Variants in LMX1A observed in about 807,000 individuals in gnomAD.
LMX1A encodes LIM homeobox transcription factor 1-alpha.
In LMX1A, 15 loss-of-function variants were observed where a neutral mutation model predicts 49.1. That is an observed-to-expected ratio of 0.31 (90% CI 0.20 to 0.47). LMX1A has a LOEUF of 0.47. Among genes scored for constraint, LMX1A ranks in the 20% least tolerant of loss-of-function variants. The pLI is 1.00. For synonymous variants in LMX1A, 167 were observed against 185.7 expected (o/e 0.90, Z 0.82); for missense variants, 372 against 475.8 (o/e 0.78, Z 2.03).
intron 3 of LMX1A, among the ~76,000 whole-genome samples, chr1:165,272,972 G>A (rs549882257): frequency 3.9e-5 from 6 of 152,196 alleles, no homozygotes; most frequent in Non-Finnish European, 8.8e-5. Context: ...TGAAAGGGAA[G>A]TAGGAGGCTG....
chr1:165,209,737 A>T (rs933950115), intron 6 of LMX1A, among the ~76,000 whole-genome samples: 1 of 152,218 alleles, frequency 6.6e-6, no homozygotes, highest in Non-Finnish European at 1.5e-5. Flanking sequence ...TAAAGCAGTA[A>T]ATATAAGTAA....
chr1:165,256,998 G>T (rs1254967410), intron 3 of LMX1A, among the ~76,000 whole-genome samples: 1 of 151,876 alleles, frequency 6.6e-6, no homozygotes, highest in African/African-American at 2.4e-5. Flanking sequence ...GAACATCAGT[G>T]TCTTCATTGT....
intron 3 of LMX1A, among the ~76,000 whole-genome samples, chr1:165,251,005 A>T (rs187920035): frequency 6.7e-6 from 1 of 149,300 alleles, no homozygotes; most frequent in Non-Finnish European, 1.5e-5. Flanking sequence ...GAAAGGTGAC[A>T]GGTGAGGTTA....
intron 3 of LMX1A, among the ~76,000 whole-genome samples, chr1:165,272,563 A>G (rs1467476556): frequency 6.6e-6 from 1 of 152,202 alleles, no homozygotes; most frequent in East Asian, 1.9e-4. Flanking sequence ...TCAACACAGA[A>G]CAATGACCAT....
chr1:165,333,349 G>T (rs999678559), intron 3 of LMX1A, among the ~76,000 whole-genome samples: 1 of 152,144 alleles, frequency 6.6e-6, no homozygotes, highest in African/African-American at 2.4e-5. Flanking sequence ...AGTAGAGACA[G>T]GGTTTCACCG....
At chr1:165,354,684 G>C (rs930889549) in intron 2 of LMX1A, among the ~76,000 whole-genome samples, 2 of 152,092 alleles carry the variant, frequency 1.3e-5, no homozygotes, top group African/African-American at 4.8e-5. Flanking sequence ...GAGTGAAAGA[G>C]GCAAGAGGTT....
At chr1:165,222,226 C>T (rs900540018) in intron 4 of LMX1A, among the ~76,000 whole-genome samples, 1 of 152,170 alleles carries the variant, frequency 6.6e-6, no homozygotes, top group Non-Finnish European at 1.5e-5. Flanking sequence ...ATTTGGCCAG[C>T]CTCCAAGAAG....
At chr1:165,322,894 C>T (rs770725275) in intron 3 of LMX1A, among the ~76,000 whole-genome samples, 1 of 152,190 alleles carries the variant, frequency 6.6e-6, no homozygotes, top group Admixed American at 6.5e-5. Flanking sequence ...TTATTCCTAT[C>T]CCTTTCTTTT....
At chr1:165,309,112 C>T (rs1209769809) in intron 3 of LMX1A, among the ~76,000 whole-genome samples, 1 of 152,110 alleles carries the variant, frequency 6.6e-6, no homozygotes, top group Non-Finnish European at 1.5e-5. Flanking sequence ...CCCTCCCCGC[C>T]CTGCCACCAT....
At chr1:165,248,738 G>A (rs1388748041) in intron 4 of LMX1A, among the ~76,000 whole-genome samples, 1 of 152,170 alleles carries the variant, frequency 6.6e-6, no homozygotes, top group African/African-American at 2.4e-5. Flanking sequence ...GCTTAGGGCA[G>A]TTCAGTGATT....
At chr1:165,312,723 C>A (rs943514756) in intron 3 of LMX1A, among the ~76,000 whole-genome samples, 1 of 152,214 alleles carries the variant, frequency 6.6e-6, no homozygotes, top group African/African-American at 2.4e-5. Flanking sequence ...TGTGAGCCAT[C>A]CTGGAAACAG....
In LMX1A at chr1:165,285,102, TG is replaced by T. The variant is rs1336904170; in HGVS notation, c.264-35463del. ...AAAAAGATTACATGTTTAGTTTCCC[TG>T]GTTTTAAATATTAATCTGCAAAAGG... On this transcript the variant is annotated intron_variant, in intron 3 of 8. Coordinates refer to ENST00000342310, the MANE Select transcript of LMX1A (RefSeq NM_177398.4). Among the ~76,000 whole-genome samples the T allele has an allele frequency of 4.3e-4, 66 of 152,340 alleles. 1 individual carries two copies. The highest frequency in any genetic ancestry group is 5.9e-5 in the Non-Finnish European group (4 of 68,026).
chr1:165,202,044 T>C lies in LMX1A; in HGVS notation c.*1836A>G, dbSNP rs941944938. The C allele has an allele frequency of 6.6e-6, 1 of 152,592 alleles. No individual in the cohort carries two copies. Among genetic ancestry groups the C allele is most frequent in the Non-Finnish European group, 1.5e-5 (1 of 68,036 alleles). 9.5% of individuals were successfully genotyped at this position (152,592 alleles called of 1,614,324 possible). On this transcript the variant is annotated 3_prime_UTR_variant, in exon 9 of 9. Coordinates refer to ENST00000342310, the MANE Select transcript of LMX1A (RefSeq NM_177398.4). ...CACTCATCAGACTGGTTTGGGTTTC[T>C]TGGTGGTTTGCATAAATTATAAACA...
chr1:165,272,270 G>A (rs1453029050), intron 3 of LMX1A, among the ~76,000 whole-genome samples: 1 of 152,098 alleles, frequency 6.6e-6, no homozygotes, highest in Non-Finnish European at 1.5e-5. Flanking sequence ...CATACTTTAC[G>A]AACACAAAAA....
intron 3 of LMX1A, among the ~76,000 whole-genome samples, chr1:165,300,772 C>G (rs758775983): frequency 2.0e-5 from 3 of 152,224 alleles, no homozygotes; most frequent in African/African-American, 4.8e-5. Flanking sequence ...TTGCAGAGCA[C>G]TTGCATATAA....
At chr1:165,205,786 C>T in intron 8 of LMX1A, 78 bp downstream of exon 8, 2 of 1,360,694 alleles carry the variant, frequency 1.5e-6, no homozygotes, top group East Asian at 2.4e-5. Context: ...CATCTGGGAA[C>T]TGCCTAGATG....
intron 3 of LMX1A, among the ~76,000 whole-genome samples, chr1:165,273,768 G>GA (rs1266902874): frequency 1.3e-5 from 2 of 152,156 alleles, no homozygotes; most frequent in Non-Finnish European, 2.9e-5. Context: ...GCATTTACAT[G>GA]AAAAAAACTA....
At chr1:165,278,325 T>C (rs1389500548) in intron 3 of LMX1A, among the ~76,000 whole-genome samples, 1 of 152,222 alleles carries the variant, frequency 6.6e-6, no homozygotes, top group Admixed American at 6.5e-5. Flanking sequence ...CTTTGTACAC[T>C]GAAAATCAAG....
intron 4 of LMX1A, among the ~76,000 whole-genome samples, chr1:165,232,149 G>A (rs547042607): frequency 4.5e-4 from 69 of 152,294 alleles, no homozygotes; most frequent in Non-Finnish European, 8.4e-4. Flanking sequence ...GGAAGGCTGC[G>A]GATGCATCCC....
Sources: allele counts gnomAD v4.1 joint callset (sites outside exome capture counted in the v4.1 genomes callset), GRCh38; gene constraint gnomAD v4.1.1; transcripts MANE v1.5; gene names NCBI Gene and HGNC (gene_info 2026-07-23, HGNC 2026-07-21).